Variants in RAP1GAP2 observed in about 807,000 individuals in gnomAD.
The protein encoded by RAP1GAP2 is rap1 GTPase-activating protein 2.
RAP1GAP2 carries 27 observed loss-of-function variants against 95.0 expected under a neutral mutation model. The observed-to-expected ratio is 0.28, with a 90% CI of 0.21 to 0.39. The LOEUF is 0.39. Ranked by LOEUF, RAP1GAP2 falls within the 10% of genes least tolerant of loss-of-function variation. The pLI, the probability that RAP1GAP2 is intolerant of heterozygous loss-of-function variation, is 1.00. For synonymous variants in RAP1GAP2, 373 were observed against 380.9 expected, an observed-to-expected ratio of 0.98 and a Z score of 0.24; for missense variants, 771 against 970.0, an observed-to-expected ratio of 0.79 and a Z score of 2.72.
At chr17:2,833,645 T>C (rs375949802) in intron 2 of RAP1GAP2, among the ~76,000 whole-genome samples, 4 of 132,480 alleles carry the variant, frequency 3.0e-5, no homozygotes, top group African/African-American at 8.7e-5. Context: ...AGCCGAGATC[T>C]CGCCACTGCA....
At chr17:2,951,772 G>A (rs778725467) in intron 3 of RAP1GAP2, among the ~76,000 whole-genome samples, 8 of 151,386 alleles carry the variant, frequency 5.3e-5, no homozygotes, top group African/African-American at 9.7e-5. Context: ...AGTGGCTCAC[G>A]CCTGTAATCC....
chr17:2,814,594 C>T (rs74956449), intron 2 of RAP1GAP2, among the ~76,000 whole-genome samples: 3,472 of 152,188 alleles, frequency 0.023, 136 homozygotes, highest in African/African-American at 0.079. Flanking sequence ...GAGTTCCTCC[C>T]CACTTGGGGT....
At chr17:3,024,947 G>C (rs1449157985) in intron 19 of RAP1GAP2, among the ~76,000 whole-genome samples, 1 of 152,202 alleles carries the variant, frequency 6.6e-6, no homozygotes, top group African/African-American at 2.4e-5. Flanking sequence ...TCCTTTAGGG[G>C]TCCAAAAGTA....
At chr17:2,816,593 C>T in intron 2 of RAP1GAP2, among the ~76,000 whole-genome samples, 1 of 151,926 alleles carries the variant, frequency 6.6e-6, no homozygotes, top group Non-Finnish European at 1.5e-5. Flanking sequence ...CCCACCTCGG[C>T]CTCCCAAAGT....
chr17:3,017,624 C>T (rs1048755680), intron 17 of RAP1GAP2, among the ~76,000 whole-genome samples: 2 of 152,312 alleles, frequency 1.3e-5, no homozygotes, highest in South Asian at 2.1e-4. Flanking sequence ...ATCCCCACCA[C>T]GATGCTGGGT....
rs563567726 is a variant in RAP1GAP2 at position 2,825,363 on chromosome 17, G to T, written c.80+24813G>T. ...AGAAGAAACTTTGCTGTTGGAACTGGGTCAGAATTGGAATACAGGAAGCAA... is the reference window on the plus strand; with the variant it reads ...AGAAGAAACTTTGCTGTTGGAACTGTGTCAGAATTGGAATACAGGAAGCAA... On this transcript the variant is annotated intron_variant, in intron 2 of 24. Coordinates refer to ENST00000254695, the MANE Select transcript of RAP1GAP2 (RefSeq NM_015085.5). This position sits in a 1 kb window ranked among gnomAD's most constrained non-coding sequence, Gnocchi z 4.1. 8.3e-4 allele frequency among the ~76,000 whole-genome samples: 127 copies of T among 152,236 alleles called. No homozygotes were observed. The highest frequency in any genetic ancestry group is 2.9e-3 in the African/African-American group (119 of 41,560).
At chr17:3,009,477 G>T (rs1418767590) in intron 17 of RAP1GAP2, among the ~76,000 whole-genome samples, 1 of 152,192 alleles carries the variant, frequency 6.6e-6, no homozygotes, top group African/African-American at 2.4e-5. Context: ...AGAATCATTT[G>T]TGGGAGCAGG....
At chr17:2,756,719 C>A (rs1320224761) in intron 1 of RAP1GAP2, among the ~76,000 whole-genome samples, 1 of 152,118 alleles carries the variant, frequency 6.6e-6, no homozygotes, top group Non-Finnish European at 1.5e-5. Flanking sequence ...ATAATGTCAT[C>A]AATAACAGCA....
At chr17:2,884,662 C>G (rs988238163) in intron 2 of RAP1GAP2, among the ~76,000 whole-genome samples, 1 of 152,160 alleles carries the variant, frequency 6.6e-6, no homozygotes, top group Non-Finnish European at 1.5e-5. Context: ...GTGTGAGCCA[C>G]TGCGCCCAGC....
chr17:2,787,446 G>T (rs776210387), intron 1 of RAP1GAP2, among the ~76,000 whole-genome samples: 9 of 151,850 alleles, frequency 5.9e-5, no homozygotes, highest in Non-Finnish European at 8.8e-5. Flanking sequence ...TGTACAGATG[G>T]GGTCTTACTA....
intron 3 of RAP1GAP2, among the ~76,000 whole-genome samples, chr17:2,921,738 G>GGGCCGTTAAGGTGTCAGA (rs2042785864): frequency 6.6e-6 from 1 of 151,900 alleles, no homozygotes; most frequent in Admixed American, 6.6e-5. Context: ...GGTGTCAGCA[G>GGGCCGTTAAGGTGTCAGA]GACCGTTAAG....
intron 17 of RAP1GAP2, 135 bp from the exon 18 acceptor site, chr17:3,017,916 CGTGTGTGTGT>C (rs56791699): frequency 3.9e-4 from 219 of 562,124 alleles, no homozygotes; most frequent in Non-Finnish European, 5.4e-4. Flanking sequence ...CCTCTGTGAC[CGTGTGTGTGT>C]GTGTGTGTGT....
At position 2,972,904 on chromosome 17, in the gene RAP1GAP2, G is replaced by GC. The variant is rs1358074069; in HGVS notation, c.596+7264dup. Among the ~76,000 whole-genome samples, 5 of 152,158 alleles carry GC rather than the reference G, an allele frequency of 3.3e-5. No homozygotes were observed. The East Asian group carries it at 7.7e-4, about 23-fold the overall frequency. ...TGTGAGGAATGAGTTCTTGCTACTT[G>GC]CCCATAGAAGGCATTCAGTCCAAAT... On this transcript the variant is annotated intron_variant, in intron 8 of 24. Coordinates refer to ENST00000254695, the MANE Select transcript of RAP1GAP2 (RefSeq NM_015085.5).
At chr17:2,843,995 C>T (rs1430283330) in intron 2 of RAP1GAP2, among the ~76,000 whole-genome samples, 1 of 151,908 alleles carries the variant, frequency 6.6e-6, no homozygotes, top group Non-Finnish European at 1.5e-5. Context: ...AGGAAGATGG[C>T]CGGCGCGCTT....
rs1360976734 is a variant in RAP1GAP2, at chr17:2,797,056, C to T, written c.44+485C>T. Among the ~76,000 whole-genome samples the T allele has an allele frequency of 6.6e-6, 1 of 151,932 alleles. No individual in the cohort carries two copies. The highest frequency in any genetic ancestry group is 1.5e-5 in the Non-Finnish European group (1 of 67,970). On this transcript the variant is annotated intron_variant, in intron 1 of 24. Coordinates refer to ENST00000254695, the MANE Select transcript of RAP1GAP2 (RefSeq NM_015085.5). The surrounding 1 kb of genome is among the most constrained non-coding windows in gnomAD (Gnocchi z 5.6). The stretch of plus-strand genomic sequence containing the variant: ...TTCTGGCCTTCTGTGTCTGTGTGTG[C>T]TTGTGTCTGCGTGTTTGTGTGTGTG...
At chr17:2,934,444 T>G (rs2151419226) in intron 3 of RAP1GAP2, among the ~76,000 whole-genome samples, 1 of 152,336 alleles carries the variant, frequency 6.6e-6, no homozygotes, top group South Asian at 2.1e-4. Flanking sequence ...GCAAAGCACT[T>G]TCTTGAACTC....
chr17:2,890,306 A>G (rs2073664233), intron 2 of RAP1GAP2, among the ~76,000 whole-genome samples: 1 of 152,156 alleles, frequency 6.6e-6, no homozygotes, highest in Non-Finnish European at 1.5e-5. Flanking sequence ...AGGCAGATTT[A>G]CCCTGAAATG....
chr17:2,789,918 A>G (rs1314202171), intron 1 of RAP1GAP2, among the ~76,000 whole-genome samples: 1 of 152,088 alleles, frequency 6.6e-6, no homozygotes, highest in African/African-American at 2.4e-5. Context: ...CACTTGTGCA[A>G]TGGGAAATTT....
chr17:2,877,237 G>C (rs2073132460), intron 2 of RAP1GAP2, among the ~76,000 whole-genome samples: 1 of 152,064 alleles, frequency 6.6e-6, no homozygotes, highest in African/African-American at 2.4e-5. Flanking sequence ...ATGCTCTGTT[G>C]CTGCCTCCAT....
Sources: allele counts gnomAD v4.1 joint callset (sites outside exome capture counted in the v4.1 genomes callset), GRCh38; gene constraint gnomAD v4.1.1; non-coding constraint Gnocchi (gnomAD v3.1); transcripts MANE v1.5; gene names NCBI Gene and HGNC (gene_info 2026-07-23, HGNC 2026-07-21).